SPAST: variants seen among roughly 807,000 people sequenced by gnomAD.
SPAST encodes spastin, also known as spastic paraplegia 4 (autosomal dominant; spastin).
SPAST carries 30 observed loss-of-function variants against 76.6 expected under a neutral mutation model. The observed-to-expected ratio is 0.39, with a 90% CI of 0.29 to 0.53. SPAST has a LOEUF of 0.53. Among genes scored for constraint, SPAST ranks in the 20% least tolerant of loss-of-function variants. The pLI is 0.68. For synonymous variants in SPAST, 305 were observed against 281.0 expected (o/e 1.09, Z -0.86); for missense variants, 717 against 770.5 (o/e 0.93, Z 0.82).
intron 4 of SPAST, among the ~76,000 whole-genome samples, chr2:32,110,410 G>T (rs1327675323): frequency 1.6e-4 from 24 of 147,116 alleles, no homozygotes; most frequent in African/African-American, 5.4e-4. Context: ...GAGCCACCGC[G>T]CCTGGTCCCT....
intron 4 of SPAST, among the ~76,000 whole-genome samples, chr2:32,106,690 C>T (rs550233089): frequency 1.6e-4 from 25 of 152,322 alleles, no homozygotes; most frequent in African/African-American, 6.0e-4. Flanking sequence ...TGGTCATCAA[C>T]TCTTTCCCTT....
intron 1 of SPAST, among the ~76,000 whole-genome samples, chr2:32,067,155 G>A (rs918577045): frequency 1.3e-5 from 2 of 152,020 alleles, no homozygotes; most frequent in Non-Finnish European, 2.9e-5. Flanking sequence ...TCTGCCTCCC[G>A]GATTCAAGCG....
chr2:32,114,956 A>ATTT (rs1448818175), intron 5 of SPAST, 131 bp downstream of exon 5: 11 of 555,912 alleles, frequency 2.0e-5, no homozygotes, highest in Admixed American at 4.3e-5. Context: ...CATAAAGTTA[A>ATTT]ATTTTTTTTT....
chr2:32,082,224 C>T (rs919093166), intron 1 of SPAST, among the ~76,000 whole-genome samples: 1 of 150,194 alleles, frequency 6.7e-6, no homozygotes, highest in African/African-American at 2.4e-5. Context: ...AACTCCTGAC[C>T]CCAGGTGATC....
intron 4 of SPAST, among the ~76,000 whole-genome samples, chr2:32,109,837 T>C (rs1348397050): frequency 1.3e-5 from 2 of 149,166 alleles, no homozygotes; most frequent in African/African-American, 4.9e-5. Flanking sequence ...TACATATGTA[T>C]ATGCATATAC....
At chr2:32,091,245 CTATTATTATTATTATTATTATTAT>C (rs139735937) in intron 3 of SPAST, among the ~76,000 whole-genome samples, 39 of 126,892 alleles carry the variant, frequency 3.1e-4, no homozygotes, top group African/African-American at 7.6e-4. Context: ...TAATATGAAG[CTATTATTATTATTATTATTATTAT>C]TATTATTATT....
rs1348365687 is a variant in SPAST, at chr2:32,087,576, A to G, written c.500A>G (p.Gln167Arg). The change falls in exon 2 of 17, where the codon CAA becomes CGA. Residue 167 changes from glutamine (Q) to arginine (R), a missense_variant and splice_region_variant. Coordinates refer to ENST00000315285, the MANE Select transcript of SPAST (RefSeq NM_014946.4). Reference protein sequence around the residue: ...EKGIAVIVTGQGEQCERARRL... With the variant: ...EKGIAVIVTGRGEQCERARRL... Reference sequence around the variant, plus strand: ...GGAATAGCTGTTATAGTTACAGGACAAGGTAAGATTGTATTTGTTTATAGC... The same window carrying G: ...GGAATAGCTGTTATAGTTACAGGACGAGGTAAGATTGTATTTGTTTATAGC... The G allele has an allele frequency of 1.9e-6, 3 of 1,563,098 alleles. No homozygotes were observed. Among genetic ancestry groups the G allele is most frequent in the Non-Finnish European group, 2.6e-6 (3 of 1,136,308 alleles).
At chr2:32,074,749 C>T (rs1435035331) in intron 1 of SPAST, among the ~76,000 whole-genome samples, 1 of 152,096 alleles carries the variant, frequency 6.6e-6, no homozygotes, top group East Asian at 1.9e-4. Flanking sequence ...TCAAGCAATC[C>T]ATCTGCCTCA....
At position 32,147,202 on chromosome 2, in the gene SPAST, CTT is replaced by C. The variant is rs1558343160; in HGVS notation, c.1688-13_1688-12del. ...AATGTATGTATTTTTAAGTGCCTGACTTTTATGTTTTACAGAACTAAAACCAG... is the reference window on the plus strand; with the variant it reads ...AATGTATGTATTTTTAAGTGCCTGACTTATGTTTTACAGAACTAAAACCAG... On this transcript the variant is annotated splice_polypyrimidine_tract_variant and intron_variant, in intron 15 of 16. Transcript: ENST00000315285. 2 of 1,602,336 alleles carry C rather than the reference CTT, an allele frequency of 1.2e-6. No individual in the cohort carries two copies. Among genetic ancestry groups the C allele is most frequent in the Admixed American group, 3.3e-5 (2 of 59,940 alleles).
intron 9 of SPAST, among the ~76,000 whole-genome samples, chr2:32,136,091 A>T (rs1192601219): frequency 6.9e-6 from 1 of 144,196 alleles, no homozygotes; most frequent in Non-Finnish European, 1.5e-5. Flanking sequence ...AAAAAAAAGG[A>T]AAAAAAAAAA....
At chr2:32,084,569 A>G (rs1415804791) in intron 1 of SPAST, among the ~76,000 whole-genome samples, 1 of 152,100 alleles carries the variant, frequency 6.6e-6, no homozygotes, top group African/African-American at 2.4e-5. Context: ...AACTGGAAAC[A>G]ACCTCAATAT....
intron 1 of SPAST, among the ~76,000 whole-genome samples, chr2:32,078,618 C>G (rs536634425): frequency 6.6e-6 from 1 of 152,210 alleles, no homozygotes; most frequent in Admixed American, 6.5e-5. Context: ...GCATTGCACT[C>G]CAGCTTGGGT....
intron 4 of SPAST, among the ~76,000 whole-genome samples, chr2:32,103,933 T>C (rs989771245): frequency 1.3e-5 from 2 of 152,182 alleles, no homozygotes; most frequent in African/African-American, 4.8e-5. Flanking sequence ...CTGAGAAGAA[T>C]GTATATTCTG....
chr2:32,081,792 A>G (rs1677238741), intron 1 of SPAST, among the ~76,000 whole-genome samples: 2 of 149,234 alleles, frequency 1.3e-5, no homozygotes, highest in Non-Finnish European at 3.0e-5. Context: ...AAAAAAAAAA[A>G]AAAAAAAAAA....
At chr2:32,095,981 G>A (rs895475663) in intron 3 of SPAST, among the ~76,000 whole-genome samples, 6 of 152,168 alleles carry the variant, frequency 3.9e-5, no homozygotes, top group Admixed American at 3.9e-4. Flanking sequence ...TTAAGTAGAA[G>A]AGTGTTATAT....
At chr2:32,099,074 T>C (rs1345996637) in intron 4 of SPAST, among the ~76,000 whole-genome samples, 183 bp downstream of exon 4, 5 of 152,206 alleles carry the variant, frequency 3.3e-5, no homozygotes, top group South Asian at 2.1e-4. Flanking sequence ...AAGTCAGGTA[T>C]AGTCATTCTA....
rs559182461 is a variant in SPAST at position 32,143,560 on chromosome 2, C to CT, written c.1616+150dup. 9.7e-5 allele frequency: 62 copies of CT among 637,594 alleles called. No homozygotes were observed. The East Asian group carries it at 1.5e-3, about 16-fold the overall frequency. The allele number at this position is 637,594 out of a possible 1,614,324, so 39.5% of individuals were successfully genotyped here. ...TTCTCTCATCCTCTACCTCCTTTGC[C>CT]TTTTTCTTACCTCTTGTTCTTATAT... On this transcript the variant is annotated intron_variant, in intron 14 of 16. Transcript: ENST00000315285.
chr2:32,130,692 C>G (rs1229069581), intron 9 of SPAST: 1 of 145,660 alleles, frequency 6.9e-6, no homozygotes, highest in African/African-American at 2.6e-5. Flanking sequence ...GCACTCCAGC[C>G]TGGGCAACTG....
chr2:32,078,919 A>G (rs1363735670), intron 1 of SPAST, among the ~76,000 whole-genome samples: 1 of 152,102 alleles, frequency 6.6e-6, no homozygotes, highest in East Asian at 1.9e-4. Context: ...TGGTAAGAAC[A>G]TGGCTTATTG....
Sources: gnomAD v4.1 joint callset for allele counts (sites outside exome capture counted in the v4.1 genomes callset) on GRCh38, gnomAD v4.1.1 for gene constraint, MANE v1.5 for transcripts, NCBI Gene and HGNC (gene_info 2026-07-23, HGNC 2026-07-21) for gene names.